The following TTC3 variants were observed in gnomAD, a reference collection of about 807,000 sequenced individuals.
TTC3 encodes the protein tetratricopeptide repeat domain 3, also known as E3 ubiquitin-protein ligase TTC3.
In TTC3, 180 loss-of-function variants were observed where a neutral mutation model predicts 249.6. That is an observed-to-expected ratio of 0.72 (90% CI 0.64 to 0.82). The LOEUF (loss-of-function observed/expected upper bound fraction) is 0.82. TTC3 is among the 40% of genes least tolerant of loss of function. The probability of loss-of-function intolerance (pLI) is 0.00; values close to 1 mark genes in which losing one functional copy is unlikely to be tolerated. For missense variants in TTC3, 2,061 were observed against 2,398.4 expected, an observed-to-expected ratio of 0.86 and a Z score of 2.94; for synonymous variants, 717 against 805.0, an observed-to-expected ratio of 0.89 and a Z score of 1.85.
chr21:37,117,814 C>T (rs58077379), intron 11 of TTC3, among the ~76,000 whole-genome samples: 7,987 of 132,778 alleles, frequency 0.06, 566 homozygotes, highest in African/African-American at 0.17. Context: ...GAGGCTGCAG[C>T]GAGCTATGAT....
At chr21:37,099,873 A>G (rs2074305545) in intron 10 of TTC3, among the ~76,000 whole-genome samples, 1 of 152,216 alleles carries the variant, frequency 6.6e-6, no homozygotes, top group Non-Finnish European at 1.5e-5. Flanking sequence ...AGAAATGAAA[A>G]CGACCTAAAT....
chr21:37,121,398 G>C (rs541567026), intron 11 of TTC3: 1 of 156,018 alleles, frequency 6.4e-6, no homozygotes, highest in Non-Finnish European at 1.4e-5. Flanking sequence ...AAAACTTCTC[G>C]ATTTCCAGGT....
At chr21:37,190,248 TC>T (rs1304101684) in intron 39 of TTC3, among the ~76,000 whole-genome samples, 2 of 149,366 alleles carry the variant, frequency 1.3e-5, no homozygotes, top group African/African-American at 4.9e-5. Context: ...TTCAAGTGAT[TC>T]TCCTGCTTCC....
exon 44 of TTC3, chr21:37,197,887 C>T (rs748729699): frequency 4.3e-6 from 7 of 1,612,194 alleles, no homozygotes; most frequent in Non-Finnish European, 5.9e-6. Context: ...CGCAGCCAAA[C>T]CCAGGAAAGG....
intron 11 of TTC3, among the ~76,000 whole-genome samples, chr21:37,111,249 C>T (rs2075631853): frequency 6.6e-6 from 1 of 152,142 alleles, no homozygotes; most frequent in African/African-American, 2.4e-5. Flanking sequence ...AATTAAAAGG[C>T]ACAGACTGGC....
At chr21:37,135,499 T>G in exon 18 of TTC3, 1 of 1,612,592 alleles carries the variant, frequency 6.2e-7, no homozygotes, top group Non-Finnish European at 8.5e-7. Flanking sequence ...ACGGTTTAGA[T>G]CCTCAAAAAA....
At chr21:37,172,716 A>G (rs777483836) in exon 35 of TTC3, 7 of 1,614,010 alleles carry the variant, frequency 4.3e-6, no homozygotes, top group Non-Finnish European at 5.9e-6. Flanking sequence ...CTGGAAGAGA[A>G]GTTGAAAAGG....
chr21:37,100,643 G>C, intron 10 of TTC3, among the ~76,000 whole-genome samples: 1 of 152,206 alleles, frequency 6.6e-6, no homozygotes, highest in Non-Finnish European at 1.5e-5. Context: ...CGAATGTTGC[G>C]CTTGGAAAAC....
At chr21:37,201,488 G>A in exon 46 of TTC3, 1 of 1,614,024 alleles carries the variant, frequency 6.2e-7, no homozygotes, top group Non-Finnish European at 8.5e-7. Flanking sequence ...GGCCTGCCAG[G>A]GTCGTGATCT....
chr21:37,163,524 A>G lies in TTC3; in HGVS notation c.3171-527A>G, dbSNP rs144477091. On this transcript the variant is annotated intron_variant, in intron 31 of 45. Coordinates refer to ENST00000355666, the Ensembl canonical transcript of TTC3. Reference sequence around the variant, plus strand: ...CGCCATGACGCCTGGCTAATTTTGTATTTTTATTAGGGACGGGGTTTTTCC... The same window carrying G: ...CGCCATGACGCCTGGCTAATTTTGTGTTTTTATTAGGGACGGGGTTTTTCC... Among the ~76,000 whole-genome samples the G allele has an allele frequency of 2.8e-3, 425 of 152,096 alleles. 3 individuals are homozygous for G. The highest frequency in any genetic ancestry group is 4.7e-3 in the East Asian group (24 of 5,156).
intron 14 of TTC3, 57 bp downstream of exon 14, chr21:37,124,799 C>A: frequency 6.3e-7 from 1 of 1,582,374 alleles, no homozygotes; most frequent in Non-Finnish European, 8.6e-7. Context: ...CATATTTTTA[C>A]AGTAATATTT....
chr21:37,084,014 G>A (rs2147638676), intron 1 of TTC3: 1 of 152,296 alleles, frequency 6.6e-6, no homozygotes, highest in Middle Eastern at 3.4e-3. Context: ...CTTAGGCCAA[G>A]TGAGCTCAAT....
At chr21:37,140,353 T>G (rs2078330636) in intron 19 of TTC3, among the ~76,000 whole-genome samples, 1 of 152,224 alleles carries the variant, frequency 6.6e-6, no homozygotes, top group Non-Finnish European at 1.5e-5. Context: ...TTCAGCAGGA[T>G]TGGTTTGGTT....
chr21:37,123,165 T>G (rs2076765687), intron 13 of TTC3, 137 bp downstream of exon 13: 1 of 849,566 alleles, frequency 1.2e-6, no homozygotes, highest in East Asian at 2.6e-5. Flanking sequence ...GAGAGGTAGT[T>G]TTTTAAGTGT....
At chr21:37,201,258 G>A (rs1489450748) in intron 45 of TTC3, among the ~76,000 whole-genome samples, 182 bp from the exon 46 acceptor site, 1 of 152,210 alleles carries the variant, frequency 6.6e-6, no homozygotes, top group Non-Finnish European at 1.5e-5. Flanking sequence ...GATCGTTTGC[G>A]GCTGGGGCTT....
At chr21:37,073,313 G>GC in exon 1 of TTC3, 1 of 503,418 alleles carries the variant, frequency 2.0e-6, no homozygotes, top group Non-Finnish European at 2.5e-6. Context: ...GGCGGCGGCG[G>GC]CGGCTGCTGC....
intron 18 of TTC3, among the ~76,000 whole-genome samples, 153 bp from the exon 19 acceptor site, chr21:37,138,481 T>C (rs939321179): frequency 4.6e-5 from 7 of 152,226 alleles, no homozygotes; most frequent in African/African-American, 1.4e-4. Context: ...TAATTTGATT[T>C]GGCCAATCAT....
intron 1 of TTC3, 121 bp from the exon 2 acceptor site, chr21:37,087,126 G>A: frequency 9.5e-7 from 1 of 1,054,108 alleles, no homozygotes; most frequent in Non-Finnish European, 1.4e-6. Context: ...GTTCTGATAG[G>A]AGTTATTTCC....
chr21:37,132,351 G>C (rs1377133144), intron 16 of TTC3, among the ~76,000 whole-genome samples: 1 of 127,218 alleles, frequency 7.9e-6, no homozygotes, highest in African/African-American at 3.1e-5. Flanking sequence ...TTTTTTTTTA[G>C]ATGGAGTCTT....
Sources: allele counts gnomAD v4.1 joint callset (sites outside exome capture counted in the v4.1 genomes callset), GRCh38; gene constraint gnomAD v4.1.1; transcripts MANE v1.5; gene names NCBI Gene and HGNC (gene_info 2026-07-23, HGNC 2026-07-21).